The following VEGFC variants were observed in gnomAD, a reference collection of about 807,000 sequenced individuals.
VEGFC encodes the protein vascular endothelial growth factor C.
A neutral mutation model predicts 46.1 loss-of-function variants in VEGFC; 12 were observed. That is an observed-to-expected ratio of 0.26 (90% CI 0.17 to 0.42). The LOEUF is 0.42. Ranked by LOEUF, VEGFC falls within the 10% of genes least tolerant of loss-of-function variation. The pLI is 1.00. For missense variants in VEGFC, 488 were observed against 529.4 expected, an observed-to-expected ratio of 0.92 and a Z score of 0.77; for synonymous variants, 232 against 195.5, an observed-to-expected ratio of 1.19 and a Z score of -1.56.
At chr4:176,693,237 T>C (rs1734244129) in intron 4 of VEGFC, among the ~76,000 whole-genome samples, 1 of 145,648 alleles carries the variant, frequency 6.9e-6, no homozygotes, top group Non-Finnish European at 1.5e-5. Context: ...GAAAAAAATT[T>C]AGAAGAATGT....
chr4:176,694,596 C>T (rs1221743635), intron 4 of VEGFC, among the ~76,000 whole-genome samples: 1 of 151,910 alleles, frequency 6.6e-6, no homozygotes, highest in African/African-American at 2.4e-5. Context: ...CAAGGATACG[C>T]AGGAATTGAA....
At chr4:176,715,171 C>T (rs1385138603) in intron 3 of VEGFC, among the ~76,000 whole-genome samples, 1 of 152,120 alleles carries the variant, frequency 6.6e-6, no homozygotes, top group African/African-American at 2.4e-5. Flanking sequence ...ATCTTAATAA[C>T]TAATGTCTCA....
chr4:176,703,285 T>C, intron 4 of VEGFC, among the ~76,000 whole-genome samples: 1 of 152,150 alleles, frequency 6.6e-6, no homozygotes. Context: ...AACGGAGTAC[T>C]ATTTAGCCAT....
At chr4:176,721,195 G>A (rs1171129379) in intron 3 of VEGFC, among the ~76,000 whole-genome samples, 1 of 152,172 alleles carries the variant, frequency 6.6e-6, no homozygotes. Flanking sequence ...GTAGCATCCA[G>A]ATCATTGAGG....
At position 176,766,737 on chromosome 4, in the gene VEGFC, T is replaced by C. The variant is rs7686208; in HGVS notation, c.147+25428A>G. On this transcript the variant is annotated intron_variant, in intron 1 of 6. Coordinates refer to ENST00000618562, the MANE Select transcript of VEGFC (RefSeq NM_005429.5). The stretch of plus-strand genomic sequence containing the variant: ...CATGATTTATTTACAAGGGTAATGC[T>C]ACAGAGCAGCAGAGAAATATGCTAG... Among the ~76,000 whole-genome samples the C allele has an allele frequency of 9.1e-3, 1,384 of 152,198 alleles. 27 individuals are homozygous for C. The highest frequency in any genetic ancestry group is 0.031 in the African/African-American group (1,277 of 41,514).
chr4:176,728,366 C>T (rs1382420836), intron 2 of VEGFC, among the ~76,000 whole-genome samples: 2 of 152,054 alleles, frequency 1.3e-5, no homozygotes, highest in African/African-American at 4.8e-5. Context: ...GCTCTCAATG[C>T]AAATATAAAT....
In VEGFC at chr4:176,729,636, C is replaced by G; in HGVS notation, c.258G>C (p.Arg86Ser). 6.2e-7 allele frequency: 1 copy of G among 1,613,834 alleles called. No homozygotes were observed. The highest frequency in any genetic ancestry group is 8.5e-7 in the Non-Finnish European group (1 of 1,179,908). ...EYWKMYKCQL[R>S]KGGWQHNREQ... ...CTCTGTTATGTTGCCAGCCTCCTTT[C>G]CTTAGCTGACACTTGTACATTTTCC... is the stretch of plus-strand genomic sequence containing the variant. Residue 86 changes from arginine (R) to serine (S), a missense_variant, in exon 2 of 7, where the codon AGG (arginine) becomes AGC (serine). By Grantham distance (110) the Arg-to-Ser change is moderately radical (BLOSUM62 -1). Transcript: ENST00000618562.
At chr4:176,726,683 A>G (rs1384265402) in intron 3 of VEGFC, among the ~76,000 whole-genome samples, 1 of 152,188 alleles carries the variant, frequency 6.6e-6, no homozygotes, top group Non-Finnish European at 1.5e-5. Flanking sequence ...AATGTAGTTC[A>G]TGGAATTGAG....
intron 3 of VEGFC, among the ~76,000 whole-genome samples, chr4:176,721,647 A>T (rs1360235828): frequency 2.0e-5 from 3 of 152,206 alleles, no homozygotes; most frequent in African/African-American, 7.2e-5. Flanking sequence ...AGGAAGAATA[A>T]CTTGGCTTGA....
At chr4:176,787,652 G>A (rs1188143194) in intron 1 of VEGFC, among the ~76,000 whole-genome samples, 1 of 151,364 alleles carries the variant, frequency 6.6e-6, no homozygotes, top group Non-Finnish European at 1.5e-5. Flanking sequence ...GCCCAATAAA[G>A]CAAATTAAAT....
intron 4 of VEGFC, among the ~76,000 whole-genome samples, chr4:176,690,377 C>T (rs954915398): frequency 3.3e-5 from 5 of 150,446 alleles, no homozygotes; most frequent in African/African-American, 1.2e-4. Context: ...TATCTTCTTG[C>T]CAAAAAATTG....
At chr4:176,700,054 C>T (rs1734399139) in intron 4 of VEGFC, among the ~76,000 whole-genome samples, 1 of 152,188 alleles carries the variant, frequency 6.6e-6, no homozygotes, top group South Asian at 2.1e-4. Flanking sequence ...TCAATGAAAA[C>T]TCCATAGTTG....
chr4:176,752,478 T>C (rs902668542), intron 1 of VEGFC, among the ~76,000 whole-genome samples: 4 of 152,028 alleles, frequency 2.6e-5, no homozygotes, highest in Non-Finnish European at 5.9e-5. Flanking sequence ...CAGTGTTCAG[T>C]AGGAGCACAA....
chr4:176,784,666 T>C (rs1020048119), intron 1 of VEGFC, among the ~76,000 whole-genome samples: 6 of 140,076 alleles, frequency 4.3e-5, no homozygotes, highest in African/African-American at 1.6e-4. Flanking sequence ...GGCAGGAGAA[T>C]GGCGTGAACC....
chr4:176,718,953 C>T, intron 3 of VEGFC, among the ~76,000 whole-genome samples: 1 of 152,126 alleles, frequency 6.6e-6, no homozygotes, highest in East Asian at 1.9e-4. Context: ...AGAAAATATA[C>T]TCAAAGTGTA....
chr4:176,782,306 T>A (rs1180450857), intron 1 of VEGFC, among the ~76,000 whole-genome samples: 2 of 151,756 alleles, frequency 1.3e-5, no homozygotes, highest in African/African-American at 2.4e-5. Flanking sequence ...CTACAAAAAA[T>A]TTTAAAAAAT....
At chr4:176,713,133 T>A (rs1339700771) in intron 3 of VEGFC, among the ~76,000 whole-genome samples, 2 of 152,212 alleles carry the variant, frequency 1.3e-5, no homozygotes, top group African/African-American at 2.4e-5. Flanking sequence ...TATTACTATT[T>A]GTGTAAATTC....
chr4:176,789,571 A>G (rs2333528), intron 1 of VEGFC, among the ~76,000 whole-genome samples: 129,874 of 152,178 alleles, frequency 0.85, 56,265 homozygotes, highest in East Asian at 1. Context: ...GAACAGCTTC[A>G]GACTTGCTAT....
chr4:176,727,332 A>G (rs2111015642), intron 3 of VEGFC, among the ~76,000 whole-genome samples: 1 of 152,306 alleles, frequency 6.6e-6, no homozygotes, highest in South Asian at 2.1e-4. Flanking sequence ...TTATTTCAAT[A>G]CTATACCACT....
Sources: allele counts gnomAD v4.1 joint callset (sites outside exome capture counted in the v4.1 genomes callset), GRCh38; gene constraint gnomAD v4.1.1; transcripts MANE v1.5; gene names NCBI Gene and HGNC (gene_info 2026-07-23, HGNC 2026-07-21).